Variants in CUX1 observed in about 807,000 individuals in gnomAD.
CUX1 encodes protein CASP.
A neutral mutation model predicts 158.8 loss-of-function variants in CUX1; 31 were observed. The ratio of observed to expected loss-of-function variants is 0.20; its 90% CI spans 0.15 to 0.26. The LOEUF is 0.26. Ranked by LOEUF, CUX1 falls within the 10% of genes least tolerant of loss-of-function variation. The probability of loss-of-function intolerance (pLI) is 1.00; values close to 1 mark genes in which losing one functional copy is unlikely to be tolerated. For synonymous variants in CUX1, 879 were observed against 862.1 expected (o/e 1.02, Z -0.34); for missense variants, 1,589 against 2,014.6 (o/e 0.79, Z 4.04).
At chr7:101,896,380 A>G (rs1301109868) in intron 1 of CUX1, among the ~76,000 whole-genome samples, 1 of 152,194 alleles carries the variant, frequency 6.6e-6, no homozygotes, top group Non-Finnish European at 1.5e-5. Flanking sequence ...GCGTTTGCAG[A>G]AACGTGAATG....
At chr7:101,896,987 C>T (rs1156775699) in intron 1 of CUX1, among the ~76,000 whole-genome samples, 2 of 152,220 alleles carry the variant, frequency 1.3e-5, no homozygotes, top group Non-Finnish European at 2.9e-5. Context: ...CAGTGGCCCC[C>T]CTGAGCCTAT....
intron 4 of CUX1, among the ~76,000 whole-genome samples, chr7:102,082,069 G>A (rs73408006): frequency 0.1 from 15,332 of 146,658 alleles, 2,905 homozygotes; most frequent in African/African-American, 0.35. Context: ...ATGTATCCCA[G>A]ATTCGCCCAC....
chr7:101,978,728 C>T (rs1009011422), intron 2 of CUX1, among the ~76,000 whole-genome samples: 1 of 152,212 alleles, frequency 6.6e-6, no homozygotes, highest in African/African-American at 2.4e-5. Context: ...AGCCTCTGTC[C>T]TCCTCCTCTG....
chr7:102,187,342 T>TA (rs3216521), intron 11 of CUX1, among the ~76,000 whole-genome samples: 183 of 146,246 alleles, frequency 1.3e-3, no homozygotes, highest in Non-Finnish European at 2.0e-3. Context: ...AAAATAACTT[T>TA]AAAAAAAAAA....
chr7:102,198,699 T>C, intron 15 of CUX1, 103 bp from the exon 16 acceptor site: 1 of 1,037,614 alleles, frequency 9.6e-7, no homozygotes, highest in Non-Finnish European at 1.5e-6. Context: ...CCTGAGCCCT[T>C]TCTTTAGTGA....
intron 8 of CUX1, among the ~76,000 whole-genome samples, chr7:102,123,063 T>A (rs1273479839): frequency 6.6e-6 from 1 of 152,062 alleles, no homozygotes; most frequent in Admixed American, 6.6e-5. Flanking sequence ...AAACCCCGTC[T>A]CTACTAAAAA....
chr7:102,242,361 C>G (rs1800325341), intron 23 of CUX1, among the ~76,000 whole-genome samples: 1 of 152,068 alleles, frequency 6.6e-6, no homozygotes, highest in Non-Finnish European at 1.5e-5. Context: ...AGGCACCCAC[C>G]ACCATGCCCG....
intron 2 of CUX1, among the ~76,000 whole-genome samples, chr7:101,930,758 C>T (rs1156954425): frequency 1.3e-5 from 2 of 152,100 alleles, no homozygotes; most frequent in African/African-American, 4.8e-5. Flanking sequence ...TTAATGAATG[C>T]AAGATCTGAG....
At chr7:102,004,555 A>G (rs187592232) in intron 2 of CUX1, among the ~76,000 whole-genome samples, 1 of 152,314 alleles carries the variant, frequency 6.6e-6, no homozygotes, top group East Asian at 1.9e-4. Context: ...CTTCTAAGAA[A>G]TATATTCCTA....
intron 2 of CUX1, among the ~76,000 whole-genome samples, chr7:101,923,977 T>G (rs1805286140): frequency 6.6e-6 from 1 of 152,122 alleles, no homozygotes; most frequent in Non-Finnish European, 1.5e-5. Flanking sequence ...GGCTTGGGAG[T>G]TGTCTTGAGA....
chr7:102,172,619 A>G (rs1316890554), intron 10 of CUX1, among the ~76,000 whole-genome samples: 1 of 152,210 alleles, frequency 6.6e-6, no homozygotes, highest in East Asian at 1.9e-4. Flanking sequence ...AGCACAGTCA[A>G]TCTAATGGCT....
intron 3 of CUX1, among the ~76,000 whole-genome samples, chr7:102,028,925 A>C (rs1475593313): frequency 6.6e-6 from 1 of 152,032 alleles, no homozygotes; most frequent in Non-Finnish European, 1.5e-5. Flanking sequence ...GCAGGCTGAT[A>C]AGGAAAGGAA....
rs1350392670 is a variant in CUX1 at position 102,256,140 on chromosome 7, C to T, written c.*7098C>T. ...GGCCCGCGGGCTCTGGCCGGAGCCGCTGGCCTGACGAGGCAGGATAGGGAG... is the reference window on the plus strand; with the variant it reads ...GGCCCGCGGGCTCTGGCCGGAGCCGTTGGCCTGACGAGGCAGGATAGGGAG... On this transcript the variant is annotated 3_prime_UTR_variant, in exon 24 of 24. Coordinates refer to ENST00000292535, the MANE Select transcript of CUX1 (RefSeq NM_181552.4). 1.9e-5 allele frequency: 19 copies of T among 985,314 alleles called. No individual in the cohort carries two copies. Among genetic ancestry groups the T allele is most frequent in the Non-Finnish European group, 2.3e-5 (19 of 829,954 alleles). The allele number at this position is 985,314 out of a possible 1,614,324, so 61.0% of individuals were successfully genotyped here.
chr7:101,824,671 C>T (rs1793059813), intron 1 of CUX1: 1 of 152,184 alleles, frequency 6.6e-6, no homozygotes, highest in South Asian at 2.1e-4. Context: ...GTCAGGACGG[C>T]CTGTCACTTC....
At position 101,897,828 on chromosome 7, in the gene CUX1, A is replaced by C. The variant is rs549507152; in HGVS notation, c.31-18287A>C. 7.2e-5 allele frequency among the ~76,000 whole-genome samples: 11 copies of C among 152,298 alleles called. No individual in the cohort carries two copies. In the South Asian group the frequency reaches 2.3e-3, roughly 32 times the overall value. On this transcript the variant is annotated intron_variant, in intron 1 of 23. Transcript: ENST00000292535. ...TGCTTATTGGTGTGTGTGTTTCAAG[A>C]GGAACCTCTGTTCCTTGGACTTGAT...
chr7:101,905,456 C>G (rs939054146), intron 1 of CUX1, among the ~76,000 whole-genome samples: 7 of 152,198 alleles, frequency 4.6e-5, no homozygotes, highest in Non-Finnish European at 8.8e-5. Context: ...CTTACAGACT[C>G]CAGATTCTGT....
At chr7:102,105,749 G>A (rs1333846085) in intron 6 of CUX1, among the ~76,000 whole-genome samples, 2 of 152,032 alleles carry the variant, frequency 1.3e-5, no homozygotes. Flanking sequence ...CTGACCTCAG[G>A]TGATCCACCC....
chr7:102,146,173 A>G (rs1168296268), intron 8 of CUX1, among the ~76,000 whole-genome samples: 1 of 152,148 alleles, frequency 6.6e-6, no homozygotes, highest in Middle Eastern at 3.2e-3. Context: ...ATGAACCCAG[A>G]TGCTCATCCC....
At chr7:101,980,835 G>A (rs961017031) in intron 2 of CUX1, among the ~76,000 whole-genome samples, 6 of 152,024 alleles carry the variant, frequency 3.9e-5, no homozygotes, top group Admixed American at 2.0e-4. Context: ...CCCACACCCC[G>A]TGGGACTTTC....
Sources: allele counts gnomAD v4.1 joint callset (sites outside exome capture counted in the v4.1 genomes callset), GRCh38; gene constraint gnomAD v4.1.1; transcripts MANE v1.5; gene names NCBI Gene and HGNC (gene_info 2026-07-23, HGNC 2026-07-21).